NOS1: variants seen among roughly 807,000 people sequenced by gnomAD.
The protein encoded by NOS1 is NOS type I.
NOS1 carries 51 observed loss-of-function variants against 164.5 expected under a neutral mutation model. That is an observed-to-expected ratio of 0.31 (90% CI 0.25 to 0.39). The LOEUF (loss-of-function observed/expected upper bound fraction) is 0.39. Among genes scored for constraint, NOS1 ranks in the 10% least tolerant of loss-of-function variants. The pLI, the probability that NOS1 is intolerant of heterozygous loss-of-function variation, is 1.00. For synonymous variants in NOS1, 719 were observed against 745.8 expected (o/e 0.96, Z 0.59); for missense variants, 1,362 against 1,885.6 (o/e 0.72, Z 5.14).
At chr12:117,359,394 CAGAG>C (rs1877012056) in intron 1 of NOS1, among the ~76,000 whole-genome samples, 1 of 152,228 alleles carries the variant, frequency 6.6e-6, no homozygotes, top group Admixed American at 6.5e-5. Flanking sequence ...ATCTATGCTC[CAGAG>C]AGCTGCGTCA....
chr12:117,357,140 T>G (rs183325067), intron 1 of NOS1, among the ~76,000 whole-genome samples: 1 of 152,132 alleles, frequency 6.6e-6, no homozygotes, highest in Non-Finnish European at 1.5e-5. Flanking sequence ...CTGGGCAGCA[T>G]GACAAAACCC....
At position 117,211,320 on chromosome 12, in the gene NOS1, C is replaced by T. The variant is rs1956524333; in HGVS notation, c.*3989G>A. The T allele has an allele frequency of 2.0e-6, 2 of 985,396 alleles. No homozygotes were observed. The highest frequency in any genetic ancestry group is 2.4e-6 in the Non-Finnish European group (2 of 829,956). The allele number at this position is 985,396 out of a possible 1,614,324, so 61.0% of individuals were successfully genotyped here. A position where few individuals can be genotyped will look rare whatever the true frequency, so the allele number is the denominator to read the frequency against. On this transcript the variant is annotated 3_prime_UTR_variant, in exon 29 of 29. Coordinates refer to ENST00000317775, the MANE Select transcript of NOS1 (RefSeq NM_000620.5). Reference sequence around the variant, plus strand: ...TACAATGGATGGGGTGCCAGGTACGCTGATTCAGTTCCTGGAGTCTCTTTA... The same window carrying T: ...TACAATGGATGGGGTGCCAGGTACGTTGATTCAGTTCCTGGAGTCTCTTTA...
At chr12:117,322,183 TCTC>T (rs1408555790) in intron 2 of NOS1, among the ~76,000 whole-genome samples, 8 of 92,412 alleles carry the variant, frequency 8.7e-5, no homozygotes, top group Admixed American at 2.3e-4. Context: ...TCCTTCCTTC[TCTC>T]CTTTCTTCCC....
Position 117,213,695 on chromosome 12 carries a change from G to T in NOS1, c.*1614C>A, listed in dbSNP as rs1282601588. 3.0e-6 allele frequency: 3 copies of T among 985,280 alleles called. No homozygotes were observed. Among genetic ancestry groups the T allele is most frequent in the African/African-American group, 1.7e-5 (1 of 57,230 alleles). 61.0% of individuals were successfully genotyped at this position (985,280 alleles called of 1,614,324 possible). ...ACGTACAGTATATAAAAGAAATGTG[G>T]TTTTTCTGTATAGCAAGACACAACA... On this transcript the variant is annotated 3_prime_UTR_variant, in exon 29 of 29. Transcript: ENST00000317775.
In NOS1 at chr12:117,309,478, G is replaced by A. The variant is rs989562348; in HGVS notation, c.852+1988C>T. On this transcript the variant is annotated intron_variant, in intron 3 of 28. Coordinates refer to ENST00000317775, the MANE Select transcript of NOS1 (RefSeq NM_000620.5). ...TGGCAGTGAAAGCTGCCATCTGTAG[G>A]CCAAGCATCAGGAAAATGAAGCCGG... The A allele has an allele frequency of 1.8e-5, 12 of 678,010 alleles. No homozygotes were observed. The South Asian group carries it at 6.7e-4, about 38-fold the overall frequency. 42.0% of individuals were successfully genotyped at this position (678,010 alleles called of 1,614,324 possible). A position where few individuals can be genotyped will look rare whatever the true frequency, so the allele number is the denominator to read the frequency against.
At chr12:117,324,897 C>T (rs909471778) in intron 2 of NOS1, among the ~76,000 whole-genome samples, 1 of 152,144 alleles carries the variant, frequency 6.6e-6, no homozygotes, top group African/African-American at 2.4e-5. Flanking sequence ...TCTCCTCCCA[C>T]GTAAGTGCCA....
rs984177660 is a variant in NOS1 at position 117,214,605 on chromosome 12, A to C, written c.*704T>G. On this transcript the variant is annotated 3_prime_UTR_variant, in exon 29 of 29. Transcript: ENST00000317775. Reference sequence around the variant, plus strand: ...TCTTTCATTGGGAGACAGCCCCTTTAATCAATTTCCCACTCCTCTCCCCAT... The same window carrying C: ...TCTTTCATTGGGAGACAGCCCCTTTCATCAATTTCCCACTCCTCTCCCCAT... 4.1e-6 allele frequency: 4 copies of C among 985,262 alleles called. No individual in the cohort carries two copies. The African/African-American group carries it at 7.0e-5, about 17-fold the overall frequency. The allele number at this position is 985,262 out of a possible 1,614,324, so 61.0% of individuals were successfully genotyped here.
chr12:117,262,514 G>GGAGA (rs879291334), intron 13 of NOS1, among the ~76,000 whole-genome samples: 15 of 146,430 alleles, frequency 1.0e-4, no homozygotes, highest in South Asian at 2.2e-4. Flanking sequence ...AGAAGAGAGA[G>GGAGA]GAGAGAGAGA....
Position 117,226,744 on chromosome 12 carries a change from C to G in NOS1, c.3643G>C (p.Val1215Leu). The G allele has an allele frequency of 6.2e-7, 1 of 1,614,016 alleles. No homozygotes were observed. The highest frequency in any genetic ancestry group is 8.5e-7 in the Non-Finnish European group (1 of 1,179,930). ...ATCCGGTTGAGCCAGGAGGAGCATA[C>G]GCCGTGGTGAATTGGTCCTTCTCCA... ...RDGEGPIHHG[V>L]CSSWLNRIQA... Residue 1215 changes from valine to leucine, a missense_variant, in exon 24 of 29, where the codon GTA becomes CTA. By Grantham distance (32) the Val-to-Leu change is conservative. Coordinates refer to ENST00000317775, the MANE Select transcript of NOS1 (RefSeq NM_000620.5).
chr12:117,283,056 A>ATATAT (rs1360367568), intron 7 of NOS1, among the ~76,000 whole-genome samples: 9 of 92,954 alleles, frequency 9.7e-5, no homozygotes, highest in African/African-American at 3.2e-4. Flanking sequence ...ATATATATAT[A>ATATAT]TTTTTTTTTT....
intron 22 of NOS1, among the ~76,000 whole-genome samples, chr12:117,229,713 C>T (rs1212364606): frequency 1.3e-5 from 2 of 152,124 alleles, no homozygotes; most frequent in Admixed American, 6.5e-5. Context: ...CTCAGCCTCC[C>T]GAGTAGCTGG....
intron 2 of NOS1, among the ~76,000 whole-genome samples, chr12:117,325,851 C>A (rs972963885): frequency 6.6e-6 from 1 of 152,206 alleles, no homozygotes; most frequent in African/African-American, 2.4e-5. Flanking sequence ...TCTGATCATT[C>A]CAGTGCAGTC....
At chr12:117,258,502 G>C in intron 15 of NOS1, 47 bp from the exon 16 acceptor site, 1 of 1,593,378 alleles carries the variant, frequency 6.3e-7, no homozygotes, top group African/African-American at 1.3e-5. Context: ...TTAGTAAATG[G>C]GAAATCAGGT....
At chr12:117,252,570 T>C (rs909021647) in intron 17 of NOS1, among the ~76,000 whole-genome samples, 1 of 152,210 alleles carries the variant, frequency 6.6e-6, no homozygotes, top group Non-Finnish European at 1.5e-5. Flanking sequence ...TGGCTGATAA[T>C]GATGTGTCAT....
rs1956555032 is a variant in NOS1, at chr12:117,213,259, A to G, written c.*2050T>C. On this transcript the variant is annotated 3_prime_UTR_variant, in exon 29 of 29. Coordinates refer to ENST00000317775, the MANE Select transcript of NOS1 (RefSeq NM_000620.5). Reference sequence around the variant, plus strand: ...GAATTGGGGAGGCGTCTCCAAAGCTATAAAGGATTGGAAAGAAAGCCTTTG... The same window carrying G: ...GAATTGGGGAGGCGTCTCCAAAGCTGTAAAGGATTGGAAAGAAAGCCTTTG... 1.0e-6 allele frequency: 1 copy of G among 985,496 alleles called. No individual in the cohort carries two copies. The highest frequency in any genetic ancestry group is 1.2e-6 in the Non-Finnish European group (1 of 829,970). 61.0% of individuals were successfully genotyped at this position (985,496 alleles called of 1,614,324 possible). A position where few individuals can be genotyped will look rare whatever the true frequency, so the allele number is the denominator to read the frequency against.
chr12:117,285,694 G>A (rs1874065128), intron 6 of NOS1, among the ~76,000 whole-genome samples: 1 of 152,100 alleles, frequency 6.6e-6, no homozygotes, highest in Admixed American at 6.5e-5. Flanking sequence ...AAACCCCCCT[G>A]ATCTTGATAA....
intron 1 of NOS1, chr12:117,348,317 C>G (rs1319857753): frequency 6.6e-6 from 1 of 152,142 alleles, no homozygotes; most frequent in Non-Finnish European, 1.5e-5. Context: ...GCATGGGATT[C>G]AAATCCTGAT....
In NOS1 at chr12:117,356,231, T is replaced by A. The variant is rs75743578; in HGVS notation, c.-421+5281A>T. On this transcript the variant is annotated intron_variant, in intron 1 of 28. Coordinates refer to ENST00000317775, the MANE Select transcript of NOS1 (RefSeq NM_000620.5). The surrounding 1 kb of genome is among the most constrained non-coding windows in gnomAD (Gnocchi z 4.2). ...GAGTCAGAGATGTTAATTCTCTCAC[T>A]CTGAGTCACAGAATCCACAAGTGCC... 0.024 allele frequency among the ~76,000 whole-genome samples: 3,644 copies of A among 152,278 alleles called. 143 individuals are homozygous for A. Among genetic ancestry groups the A allele is most frequent in the African/African-American group, 0.081 (3,370 of 41,536 alleles).
Position 117,213,439 on chromosome 12 carries a change from C to A in NOS1, c.*1870G>T, listed in dbSNP as rs747318902. 1 of 985,466 alleles carries A rather than the reference C, an allele frequency of 1.0e-6. No homozygotes were observed. The highest frequency in any genetic ancestry group is 1.2e-6 in the Non-Finnish European group (1 of 830,024). The allele number at this position is 985,466 out of a possible 1,614,324, so 61.0% of individuals were successfully genotyped here. A position where few individuals can be genotyped will look rare whatever the true frequency, so the allele number is the denominator to read the frequency against. On this transcript the variant is annotated 3_prime_UTR_variant, in exon 29 of 29. Transcript: ENST00000317775. ...AGGGGAAATTGGGATTAAAGGAAGG[C>A]AGGGGAGATTATAGCTGGCATGAAG...
Sources: gnomAD v4.1 joint callset for allele counts (sites outside exome capture counted in the v4.1 genomes callset) on GRCh38, gnomAD v4.1.1 for gene constraint, Gnocchi (gnomAD v3.1) non-coding constraint, MANE v1.5 for transcripts, NCBI Gene and HGNC (gene_info 2026-07-23, HGNC 2026-07-21) for gene names.